SGK1: variants seen among roughly 807,000 people sequenced by gnomAD.
The protein encoded by SGK1 is serum/glucocorticoid regulated kinase 1, also known as serine/threonine-protein kinase Sgk1.
SGK1 carries 26 observed loss-of-function variants against 64.2 expected under a neutral mutation model. The ratio of observed to expected loss-of-function variants is 0.40; its 90% CI spans 0.30 to 0.56. The LOEUF (loss-of-function observed/expected upper bound fraction) is 0.56, where lower values mean the gene tolerates loss of function less well. Among genes scored for constraint, SGK1 ranks in the 20% least tolerant of loss-of-function variants. The pLI is 0.38. For synonymous variants in SGK1, 265 were observed against 239.7 expected, an observed-to-expected ratio of 1.11 and a Z score of -0.98; for missense variants, 519 against 645.6, an observed-to-expected ratio of 0.80 and a Z score of 2.12.
chr6:134,310,756 T>C (rs1777597009), intron 1 of SGK1, among the ~76,000 whole-genome samples: 1 of 152,128 alleles, frequency 6.6e-6, no homozygotes, highest in Admixed American at 6.5e-5. Flanking sequence ...CCCAGCTAAT[T>C]TTTGTATTTT....
chr6:134,308,281 G>T (rs770157346), intron 1 of SGK1, among the ~76,000 whole-genome samples: 1 of 152,110 alleles, frequency 6.6e-6, no homozygotes, highest in African/African-American at 2.4e-5. Context: ...TACATATTCC[G>T]ATTTATTTTT....
intron 3 of SGK1, among the ~76,000 whole-genome samples, chr6:134,175,214 G>A (rs1397490080): frequency 6.6e-6 from 1 of 152,216 alleles, no homozygotes; most frequent in Non-Finnish European, 1.5e-5. Flanking sequence ...GCCGGAGAAA[G>A]CCGGGTTCGC....
intron 10 of SGK1, 63 bp downstream of exon 10, chr6:134,172,130 G>A (rs1464845872): frequency 5.0e-6 from 8 of 1,584,216 alleles, no homozygotes; most frequent in Non-Finnish European, 6.9e-6. Flanking sequence ...TTAAGTGCAT[G>A]ATTGTACATC....
At chr6:134,244,323 G>A (rs1200573981) in intron 2 of SGK1, among the ~76,000 whole-genome samples, 1 of 152,168 alleles carries the variant, frequency 6.6e-6, no homozygotes, top group African/African-American at 2.4e-5. Flanking sequence ...TGGCTGCATA[G>A]TATTCCATGA....
chr6:134,279,652 C>T (rs1387232152), intron 1 of SGK1, among the ~76,000 whole-genome samples: 1 of 151,984 alleles, frequency 6.6e-6, no homozygotes, highest in Non-Finnish European at 1.5e-5. Flanking sequence ...CCCTCCCCCC[C>T]AAAAATAGCA....
intron 1 of SGK1, among the ~76,000 whole-genome samples, chr6:134,272,751 T>C (rs1562271180): frequency 6.8e-6 from 1 of 148,140 alleles, no homozygotes; most frequent in Non-Finnish European, 1.5e-5. Context: ...ATGGTATTTA[T>C]GGATTGCTTA....
chr6:134,230,863 A>G (rs774364920), intron 2 of SGK1, among the ~76,000 whole-genome samples: 65 of 152,048 alleles, frequency 4.3e-4, no homozygotes, highest in Non-Finnish European at 8.2e-4. Context: ...AAAATACAAA[A>G]ATCAGCTGGG....
chr6:134,264,842 C>G (rs1012050976), intron 1 of SGK1, among the ~76,000 whole-genome samples: 3 of 151,962 alleles, frequency 2.0e-5, no homozygotes, highest in African/African-American at 7.3e-5. Flanking sequence ...GAGACAGGGT[C>G]TTGCTATATT....
intron 2 of SGK1, among the ~76,000 whole-genome samples, chr6:134,248,444 C>T (rs1049299256): frequency 7.0e-6 from 1 of 143,880 alleles, no homozygotes; most frequent in East Asian, 2.1e-4. Flanking sequence ...CTCTCCTCCG[C>T]CTTTTTTTTT....
chr6:134,262,257 C>A (rs1485920525), intron 1 of SGK1, 109 bp from the exon 2 acceptor site: 2 of 721,840 alleles, frequency 2.8e-6, no homozygotes, highest in Non-Finnish European at 2.3e-6. Context: ...AAGGAGAACT[C>A]GGTCTCACAA....
At chr6:134,183,521 G>T (rs1310287811) in intron 3 of SGK1, among the ~76,000 whole-genome samples, 1 of 152,192 alleles carries the variant, frequency 6.6e-6, no homozygotes, top group Non-Finnish European at 1.5e-5. Context: ...CTCAGGGAGG[G>T]TGTGGTCTAT....
intron 11 of SGK1, 82 bp downstream of exon 11, chr6:134,171,555 A>G: frequency 1.0e-6 from 1 of 965,916 alleles, no homozygotes; most frequent in Non-Finnish European, 1.7e-6. Flanking sequence ...TAAGGGCAAG[A>G]CACCATGGCC....
chr6:134,279,796 G>T (rs1777067492), intron 1 of SGK1, among the ~76,000 whole-genome samples: 1 of 152,110 alleles, frequency 6.6e-6, no homozygotes. Context: ...TCAGGTATTG[G>T]TTCTACATAC....
intron 3 of SGK1, chr6:134,177,644 T>C (rs902796928): frequency 6.2e-7 from 1 of 1,609,734 alleles, no homozygotes; most frequent in Non-Finnish European, 8.5e-7. Flanking sequence ...CTGCAAAATA[T>C]AGTACGGTAA....
intron 2 of SGK1, among the ~76,000 whole-genome samples, chr6:134,244,529 C>A (rs1056559869): frequency 7.2e-5 from 11 of 152,126 alleles, no homozygotes; most frequent in Admixed American, 3.3e-4. Flanking sequence ...CCGTCCCTCA[C>A]GGCATAGTCC....
chr6:134,252,708 G>A (rs1212949232), intron 2 of SGK1, among the ~76,000 whole-genome samples: 6 of 147,692 alleles, frequency 4.1e-5, no homozygotes, highest in African/African-American at 1.5e-4. Context: ...TATTTAGTCT[G>A]ATCATTTGTT....
chr6:134,246,146 CTT>C (rs931845843), intron 2 of SGK1, among the ~76,000 whole-genome samples: 1 of 151,068 alleles, frequency 6.6e-6, no homozygotes, highest in Non-Finnish European at 1.5e-5. Flanking sequence ...TGTTTCTTTT[CTT>C]TTTTTTCTTT....
chr6:134,250,133 C>A lies in SGK1; in HGVS notation c.285+11800G>T, dbSNP rs551027307. 1.7e-3 allele frequency among the ~76,000 whole-genome samples: 254 copies of A among 152,248 alleles called. 1 individual carries two copies. Among genetic ancestry groups the A allele is most frequent in the Admixed American group, 5.4e-3 (82 of 15,292 alleles). ...AAAGGAAAACAACAGGAAATACTCA[C>A]TAGAGTAAAAGAGAAAAGTGAATCG... On this transcript the variant is annotated intron_variant, in intron 2 of 13. Coordinates refer to ENST00000367858, the MANE Select transcript of SGK1 (RefSeq NM_001143676.3).
chr6:134,171,611 T>A (rs1169266684), intron 11 of SGK1, 26 bp downstream of exon 11: 1 of 1,520,462 alleles, frequency 6.6e-7, no homozygotes, highest in African/African-American at 1.4e-5. Flanking sequence ...CAGGCAGTGT[T>A]CCATGGTTCC....
Sources: allele counts gnomAD v4.1 joint callset (sites outside exome capture counted in the v4.1 genomes callset), GRCh38; gene constraint gnomAD v4.1.1; transcripts MANE v1.5; gene names NCBI Gene and HGNC (gene_info 2026-07-23, HGNC 2026-07-21).